Variants in KDM4B observed in about 807,000 individuals in gnomAD.
The protein encoded by KDM4B is lysine-specific demethylase 4B.
KDM4B carries 32 observed loss-of-function variants against 125.2 expected under a neutral mutation model. That is an observed-to-expected ratio of 0.26 (90% CI 0.19 to 0.34). KDM4B has a LOEUF of 0.34. Among genes scored for constraint, KDM4B ranks in the 10% least tolerant of loss-of-function variants. The pLI, the probability that KDM4B is intolerant of heterozygous loss-of-function variation, is 1.00. For synonymous variants in KDM4B, 721 were observed against 677.9 expected (o/e 1.06, Z -0.99); for missense variants, 1,190 against 1,577.7 (o/e 0.75, Z 4.16).
chr19:4,988,951 G>T (rs924888702), intron 1 of KDM4B, among the ~76,000 whole-genome samples: 3 of 152,202 alleles, frequency 2.0e-5, no homozygotes, highest in Non-Finnish European at 4.4e-5. Context: ...CTCAGCTCCC[G>T]AGGGGCTGCC....
At chr19:5,128,717 G>A (rs1252607215) in intron 11 of KDM4B, among the ~76,000 whole-genome samples, 1 of 151,018 alleles carries the variant, frequency 6.6e-6, no homozygotes, top group Non-Finnish European at 1.5e-5. Context: ...TCTGCTCCCA[G>A]CCTCCCAGGG....
intron 2 of KDM4B, 119 bp from the exon 3 acceptor site, chr19:5,032,747 C>T (rs938821703): frequency 9.8e-6 from 9 of 913,988 alleles, no homozygotes; most frequent in East Asian, 5.1e-5. Context: ...AGGGCCCAGC[C>T]GCCTTTGTCC....
intron 14 of KDM4B, 140 bp from the exon 15 acceptor site, chr19:5,135,199 C>T (rs913598675): frequency 1.5e-5 from 9 of 617,058 alleles, no homozygotes; most frequent in Non-Finnish European, 2.3e-5. Context: ...GCCGAGGTGG[C>T]TCTGGCCATC....
At position 4,971,231 on chromosome 19, in the gene KDM4B, G is replaced by A. The variant is rs2034247853; in HGVS notation, c.-109+2001G>A. Among the ~76,000 whole-genome samples, 1 of 152,024 alleles carries A rather than the reference G, an allele frequency of 6.6e-6. No individual in the cohort carries two copies. Among genetic ancestry groups the A allele is most frequent in the African/African-American group, 2.4e-5 (1 of 41,388 alleles). ...TTAAAGGTATAGCTGATCAGCCACCGCACAGCACCCCGCCTGGCCTTTGTT... is the reference window on the plus strand; with the variant it reads ...TTAAAGGTATAGCTGATCAGCCACCACACAGCACCCCGCCTGGCCTTTGTT... On this transcript the variant is annotated intron_variant, in intron 1 of 22. Coordinates refer to ENST00000159111, the MANE Select transcript of KDM4B (RefSeq NM_015015.3). The surrounding 1 kb of genome is among the most constrained non-coding windows in gnomAD (Gnocchi z 4.1).
chr19:5,122,391 G>A (rs1037500014), intron 11 of KDM4B, among the ~76,000 whole-genome samples: 1 of 152,210 alleles, frequency 6.6e-6, no homozygotes, highest in African/African-American at 2.4e-5. Flanking sequence ...CTTCTGCCAC[G>A]GGAGGGGACA....
At chr19:5,004,674 G>T (rs1390554421) in intron 1 of KDM4B, among the ~76,000 whole-genome samples, 1 of 152,156 alleles carries the variant, frequency 6.6e-6, no homozygotes, top group Non-Finnish European at 1.5e-5. Context: ...TGCTCCCTGG[G>T]AGTCCCCGTA....
At chr19:4,977,903 C>T (rs1255351162) in intron 1 of KDM4B, among the ~76,000 whole-genome samples, 1 of 152,166 alleles carries the variant, frequency 6.6e-6, no homozygotes, top group African/African-American at 2.4e-5. Flanking sequence ...CGAGCAGGAC[C>T]CAAGCCAGGC....
chr19:5,048,101 C>T (rs989136212), intron 6 of KDM4B, among the ~76,000 whole-genome samples: 1 of 152,216 alleles, frequency 6.6e-6, no homozygotes, highest in African/African-American at 2.4e-5. Context: ...GCAGTCTCCG[C>T]CCTGGCACGT....
chr19:5,087,813 C>G (rs1408832307), intron 9 of KDM4B, among the ~76,000 whole-genome samples: 2 of 152,226 alleles, frequency 1.3e-5, no homozygotes, highest in African/African-American at 4.8e-5. Flanking sequence ...ATGAAACTCT[C>G]TGCCTTGCCT....
intron 5 of KDM4B, 96 bp downstream of exon 5, chr19:5,041,347 TC>T: frequency 1.1e-6 from 1 of 910,862 alleles, no homozygotes; most frequent in Non-Finnish European, 1.7e-6. Flanking sequence ...AGATGAAGCT[TC>T]CAGGCAGGCA....
chr19:4,985,311 G>A (rs1312769772), intron 1 of KDM4B, among the ~76,000 whole-genome samples: 2 of 152,124 alleles, frequency 1.3e-5, no homozygotes, highest in African/African-American at 4.8e-5. Context: ...GCAACAGAGC[G>A]AGACTCCGTC....
chr19:5,085,906 A>G (rs1259944561), intron 9 of KDM4B, among the ~76,000 whole-genome samples: 1 of 152,112 alleles, frequency 6.6e-6, no homozygotes, highest in African/African-American at 2.4e-5. Context: ...CGCACAGATG[A>G]CAGAGGAGTG....
intron 11 of KDM4B, among the ~76,000 whole-genome samples, chr19:5,129,137 G>A (rs549238471): frequency 3.3e-5 from 5 of 152,320 alleles, no homozygotes; most frequent in Admixed American, 6.5e-5. Flanking sequence ...CACCGTGGGC[G>A]GTCCCCCAAG....
chr19:4,973,685 C>A (rs931349867), intron 1 of KDM4B, among the ~76,000 whole-genome samples: 2 of 152,156 alleles, frequency 1.3e-5, no homozygotes, highest in Admixed American at 6.5e-5. Flanking sequence ...TTGGTTAGAT[C>A]TGGGTCCGTC....
chr19:5,104,551 G>C (rs904888339), intron 9 of KDM4B, among the ~76,000 whole-genome samples: 9 of 151,106 alleles, frequency 6.0e-5, no homozygotes, highest in African/African-American at 2.2e-4. Context: ...TTTCAATTGT[G>C]AGCCAGACAG....
chr19:5,062,468 C>T (rs891595931), intron 6 of KDM4B, among the ~76,000 whole-genome samples: 2 of 152,202 alleles, frequency 1.3e-5, no homozygotes, highest in Admixed American at 1.3e-4. Context: ...GGGTTTTACC[C>T]AGGGAGGCAC....
At chr19:4,988,845 C>G (rs1309815080) in intron 1 of KDM4B, among the ~76,000 whole-genome samples, 1 of 152,150 alleles carries the variant, frequency 6.6e-6, no homozygotes, top group East Asian at 1.9e-4. Context: ...GCTTGGGTGA[C>G]CTCACTGCAT....
intron 21 of KDM4B, among the ~76,000 whole-genome samples, chr19:5,149,189 G>T (rs971068515): frequency 1.3e-5 from 2 of 152,222 alleles, no homozygotes; most frequent in Non-Finnish European, 2.9e-5. Flanking sequence ...GAGGTGCTGC[G>T]ATCCCGGGCC....
At chr19:4,993,508 G>A (rs2035094652) in intron 1 of KDM4B, among the ~76,000 whole-genome samples, 1 of 151,518 alleles carries the variant, frequency 6.6e-6, no homozygotes, top group Non-Finnish European at 1.5e-5. Context: ...ATGTATTTTG[G>A]GGCTCTGTTA....
Sources: allele counts gnomAD v4.1 joint callset (sites outside exome capture counted in the v4.1 genomes callset), GRCh38; gene constraint gnomAD v4.1.1; non-coding constraint Gnocchi (gnomAD v3.1); transcripts MANE v1.5; gene names NCBI Gene and HGNC (gene_info 2026-07-23, HGNC 2026-07-21).